The following ITGA9 variants were observed in gnomAD, a reference collection of about 807,000 sequenced individuals.
The protein encoded by ITGA9 is integrin subunit alpha 9.
Under a neutral mutation model 127.8 loss-of-function variants are expected in ITGA9, and 56 were observed. The observed-to-expected ratio is 0.44, with a 90% confidence interval of 0.35 to 0.55. The LOEUF (loss-of-function observed/expected upper bound fraction) is 0.55, where lower values mean the gene tolerates loss of function less well. Ranked by LOEUF, ITGA9 falls within the 20% of genes least tolerant of loss-of-function variation. ITGA9 has a pLI of 0.00. For missense variants in ITGA9, 1,196 were observed against 1,347.1 expected, an observed-to-expected ratio of 0.89 and a Z score of 1.76; for synonymous variants, 508 against 514.5, an observed-to-expected ratio of 0.99 and a Z score of 0.17.
At chr3:37,537,571 G>C (rs1383355377) in intron 14 of ITGA9, among the ~76,000 whole-genome samples, 2 of 152,178 alleles carry the variant, frequency 1.3e-5, no homozygotes, top group African/African-American at 4.8e-5. Flanking sequence ...AATAATTAAG[G>C]TCCTACAGAG....
chr3:37,485,087 G>C (rs1217373055), intron 4 of ITGA9, among the ~76,000 whole-genome samples: 1 of 152,186 alleles, frequency 6.6e-6, no homozygotes, highest in African/African-American at 2.4e-5. Flanking sequence ...GGGGAAAACA[G>C]AGAGGGGACA....
chr3:37,641,177 G>A (rs940612704), intron 16 of ITGA9, among the ~76,000 whole-genome samples: 3 of 152,146 alleles, frequency 2.0e-5, no homozygotes, highest in Non-Finnish European at 2.9e-5. Context: ...GGTGGGCAGC[G>A]GGCCAGCGAG....
At chr3:37,789,815 A>T in intron 26 of ITGA9, 1 of 300,054 alleles carries the variant, frequency 3.3e-6, no homozygotes, top group Non-Finnish European at 6.3e-6. Context: ...TCACAATGAG[A>T]GCATTAAACA....
At chr3:37,770,929 A>T (rs1257135795) in intron 23 of ITGA9, among the ~76,000 whole-genome samples, 3 of 152,140 alleles carry the variant, frequency 2.0e-5, no homozygotes, top group African/African-American at 7.2e-5. Flanking sequence ...TTTGGGGTAA[A>T]GGGGAGGACA....
At chr3:37,540,423 C>G (rs942461309) in intron 14 of ITGA9, among the ~76,000 whole-genome samples, 11 of 152,192 alleles carry the variant, frequency 7.2e-5, no homozygotes, top group Non-Finnish European at 1.5e-4. Flanking sequence ...AAGTTGTGAT[C>G]AGTAGAAAGT....
chr3:37,715,776 A>G (rs562729709), intron 18 of ITGA9, among the ~76,000 whole-genome samples: 6 of 152,346 alleles, frequency 3.9e-5, no homozygotes, highest in African/African-American at 1.4e-4. Context: ...CCACTTGCTC[A>G]GAGTCTGAAA....
chr3:37,612,972 T>A (rs1440292993), intron 15 of ITGA9, among the ~76,000 whole-genome samples: 1 of 152,064 alleles, frequency 6.6e-6, no homozygotes, highest in Non-Finnish European at 1.5e-5. Context: ...TTTTTTTTTT[T>A]TTAATTATAC....
chr3:37,732,037 C>A (rs1221510689), intron 18 of ITGA9, among the ~76,000 whole-genome samples: 1 of 152,148 alleles, frequency 6.6e-6, no homozygotes, highest in Non-Finnish European at 1.5e-5. Flanking sequence ...CTGAGAAGCC[C>A]TGTGGTTTGT....
intron 15 of ITGA9, among the ~76,000 whole-genome samples, chr3:37,580,380 A>T (rs1433146296): frequency 6.6e-6 from 1 of 152,234 alleles, no homozygotes; most frequent in Non-Finnish European, 1.5e-5. Flanking sequence ...GGAAACTCTG[A>T]CAGCCAGACT....
At chr3:37,748,075 T>G in intron 22 of ITGA9, 1 of 406,894 alleles carries the variant, frequency 2.5e-6, no homozygotes, top group South Asian at 1.9e-5. Context: ...TTTCGGCCTT[T>G]TGGCCAGAAC....
chr3:37,810,020 C>T (rs6776443), intron 27 of ITGA9, among the ~76,000 whole-genome samples: 2,632 of 152,292 alleles, frequency 0.017, 72 homozygotes, highest in African/African-American at 0.059. Flanking sequence ...CACTGCTGAC[C>T]GGTTGCCCAC....
intron 27 of ITGA9, among the ~76,000 whole-genome samples, chr3:37,809,416 G>A (rs1216145998): frequency 6.6e-5 from 10 of 152,080 alleles, no homozygotes; most frequent in East Asian, 1.9e-4. Context: ...ACAAAAATTC[G>A]CCTAACTAGA....
At chr3:37,531,149 G>C (rs1294284915) in intron 13 of ITGA9, among the ~76,000 whole-genome samples, 1 of 151,978 alleles carries the variant, frequency 6.6e-6, no homozygotes, top group Non-Finnish European at 1.5e-5. Flanking sequence ...ACATTTGTAG[G>C]CAGGACTGTG....
rs764189278 is a variant in ITGA9 at position 37,473,465 on chromosome 3, G to A, written c.420+5G>A. The A allele has an allele frequency of 2.5e-6, 4 of 1,608,620 alleles. No homozygotes were observed. Among genetic ancestry groups the A allele is most frequent in the Non-Finnish European group, 1.7e-6 (2 of 1,175,112 alleles). On this transcript the variant is annotated splice_donor_5th_base_variant and intron_variant, in intron 3 of 27. Transcript: ENST00000264741. Reference sequence around the variant, plus strand: ...AAGGCTGATGGCCGTGTGTTGGTAAGTCCCTCCTGGGGGTGCTGTGGGAAG... The same window carrying A: ...AAGGCTGATGGCCGTGTGTTGGTAAATCCCTCCTGGGGGTGCTGTGGGAAG...
At chr3:37,712,083 C>G (rs1701085481) in intron 18 of ITGA9, among the ~76,000 whole-genome samples, 1 of 151,930 alleles carries the variant, frequency 6.6e-6, no homozygotes, top group Non-Finnish European at 1.5e-5. Context: ...CACAAATATT[C>G]AGCTTAGAAT....
chr3:37,706,868 C>T (rs2125675883), intron 18 of ITGA9, among the ~76,000 whole-genome samples: 1 of 152,234 alleles, frequency 6.6e-6, no homozygotes, highest in East Asian at 1.9e-4. Flanking sequence ...CTCATGACCA[C>T]AATCAGTTTA....
chr3:37,617,267 C>G (rs1186609248), intron 15 of ITGA9, among the ~76,000 whole-genome samples: 1 of 152,176 alleles, frequency 6.6e-6, no homozygotes, highest in African/African-American at 2.4e-5. Context: ...AAATTCTTTT[C>G]TTTAAGAATG....
chr3:37,515,909 G>A (rs1218976923), intron 9 of ITGA9, among the ~76,000 whole-genome samples: 1 of 152,132 alleles, frequency 6.6e-6, no homozygotes, highest in African/African-American at 2.4e-5. Context: ...AAAATATCTG[G>A]GAGGGAAGGT....
intron 18 of ITGA9, among the ~76,000 whole-genome samples, chr3:37,704,484 G>A (rs930738875): frequency 6.6e-6 from 1 of 152,198 alleles, no homozygotes; most frequent in Non-Finnish European, 1.5e-5. Flanking sequence ...AAATAGCATG[G>A]TCTATCCTGT....
Sources: allele counts gnomAD v4.1 joint callset (sites outside exome capture counted in the v4.1 genomes callset), GRCh38; gene constraint gnomAD v4.1.1; transcripts MANE v1.5; gene names NCBI Gene and HGNC (gene_info 2026-07-23, HGNC 2026-07-21).